Variants in NBAS observed in about 807,000 individuals in gnomAD.
The protein encoded by NBAS is NBAS subunit of NRZ tethering complex, also known as NAG/BC035112 fusion.
A neutral mutation model predicts 302.5 loss-of-function variants in NBAS; 219 were observed. That is an observed-to-expected ratio of 0.72 (90% confidence interval 0.65 to 0.81). The LOEUF (loss-of-function observed/expected upper bound fraction) is 0.81, where lower values mean the gene tolerates loss of function less well. Ranked by LOEUF, NBAS falls within the 30% of genes least tolerant of loss-of-function variation. The probability of loss-of-function intolerance (pLI) is 0.00; values close to 1 mark genes in which losing one functional copy is unlikely to be tolerated. For missense variants in NBAS, 2,932 were observed against 2,841.6 expected (o/e 1.03, Z -0.72); for synonymous variants, 1,118 against 1,021.6 (o/e 1.09, Z -1.80).
At chr2:15,533,903 A>G (rs1383804127) in intron 9 of NBAS, among the ~76,000 whole-genome samples, 5 of 152,222 alleles carry the variant, frequency 3.3e-5, no homozygotes, top group Non-Finnish European at 5.9e-5. Context: ...AACTCAAGTT[A>G]TGTTTGTCTT....
chr2:14,854,072 T>TAAA, the NBAS span, among the ~76,000 whole-genome samples: 1 of 146,560 alleles, frequency 6.8e-6, no homozygotes, highest in African/African-American at 2.5e-5. Context: ...TAAAGTATAA[T>TAAA]AAAAAATAAT....
At chr2:15,205,359 C>A (rs569161859) in intron 48 of NBAS, among the ~76,000 whole-genome samples, 153 of 151,940 alleles carry the variant, frequency 1.0e-3, no homozygotes, top group African/African-American at 3.5e-3. Context: ...AAGACAACAA[C>A]ACAAAAGAAA....
the NBAS span, among the ~76,000 whole-genome samples, chr2:14,975,461 GAGC>G: frequency 6.6e-6 from 1 of 152,160 alleles, no homozygotes; most frequent in Non-Finnish European, 1.5e-5. Flanking sequence ...GGTTCACTCA[GAGC>G]AAATGTAATT....
At chr2:15,531,870 T>A (rs1663231638) in intron 9 of NBAS, among the ~76,000 whole-genome samples, 2 of 152,174 alleles carry the variant, frequency 1.3e-5, no homozygotes, top group Admixed American at 6.5e-5. Flanking sequence ...TATTTCAAAC[T>A]AGAACTTGCC....
At chr2:15,524,195 G>A (rs945011767) in intron 9 of NBAS, among the ~76,000 whole-genome samples, 2 of 152,180 alleles carry the variant, frequency 1.3e-5, no homozygotes, top group Non-Finnish European at 2.9e-5. Flanking sequence ...AAATATCTGT[G>A]CATGTAAAAC....
chr2:15,048,539 C>G, the NBAS span, among the ~76,000 whole-genome samples: 1 of 152,218 alleles, frequency 6.6e-6, no homozygotes, highest in Non-Finnish European at 1.5e-5. Context: ...CGCTGAGAAC[C>G]ACCTGTGCCT....
intron 31 of NBAS, among the ~76,000 whole-genome samples, chr2:15,372,832 T>A (rs1320779531): frequency 6.6e-6 from 1 of 152,232 alleles, no homozygotes; most frequent in African/African-American, 2.4e-5. Flanking sequence ...AAAATCCTGC[T>A]AATTGATCAG....
At chr2:15,056,991 G>C in the NBAS span, among the ~76,000 whole-genome samples, 4 of 151,798 alleles carry the variant, frequency 2.6e-5, no homozygotes, top group Admixed American at 2.6e-4. Flanking sequence ...ACCACGCCCG[G>C]CTAATTTTTT....
the NBAS span, among the ~76,000 whole-genome samples, chr2:14,933,036 A>G: frequency 6.6e-6 from 1 of 152,238 alleles, no homozygotes. Context: ...CTGGCTTATC[A>G]TATACAATAG....
intron 47 of NBAS, among the ~76,000 whole-genome samples, chr2:15,223,000 G>C (rs1667013836): frequency 6.6e-6 from 1 of 152,144 alleles, no homozygotes; most frequent in Admixed American, 6.5e-5. Flanking sequence ...ATTATGAGAA[G>C]TCCTTCCTAA....
intron 48 of NBAS, among the ~76,000 whole-genome samples, chr2:15,195,484 G>A (rs1340338308): frequency 2.6e-5 from 4 of 152,148 alleles, no homozygotes; most frequent in African/African-American, 4.8e-5. Flanking sequence ...GATTATAAAA[G>A]GGATCCTTGT....
the NBAS span, among the ~76,000 whole-genome samples, chr2:15,102,977 GAGGAAGGAAGGAAGGAAGGAAGGA>G: frequency 2.4e-4 from 23 of 95,462 alleles, no homozygotes; most frequent in Admixed American, 5.8e-4. Context: ...AGGCATTAAG[GAGGAAGGAAGGAAGGAAGGAAGGA>G]AGGAAGGAAG....
chr2:15,351,972 G>C lies in NBAS; in HGVS notation c.4179+20C>G. 1 of 1,566,938 alleles carries C rather than the reference G, an allele frequency of 6.4e-7. No individual in the cohort carries two copies. The highest frequency in any genetic ancestry group is 8.8e-7 in the Non-Finnish European group (1 of 1,137,942). ...CACTCTCAGCCACCTTTCAAACTCC[G>C]CTCCCTCATTTTAACTTACCTCTTG... is the stretch of plus-strand genomic sequence containing the variant. On this transcript the variant is annotated intron_variant, in intron 35 of 51. Coordinates refer to ENST00000281513, the MANE Select transcript of NBAS (RefSeq NM_015909.4).
intron 12 of NBAS, among the ~76,000 whole-genome samples, chr2:15,484,910 T>C (rs1680562005): frequency 6.6e-6 from 1 of 152,160 alleles, no homozygotes; most frequent in African/African-American, 2.4e-5. Flanking sequence ...ATAGGCTTTA[T>C]TATACTTACT....
intron 13 of NBAS, among the ~76,000 whole-genome samples, chr2:15,476,332 T>TA (rs563751397): frequency 3.0e-3 from 449 of 152,122 alleles, no homozygotes; most frequent in Admixed American, 5.7e-3. Flanking sequence ...ATAAGACAGA[T>TA]ATGTAATAGT....
chr2:15,239,415 A>ATG (rs1222171537), intron 44 of NBAS, among the ~76,000 whole-genome samples: 1 of 150,324 alleles, frequency 6.7e-6, no homozygotes, highest in East Asian at 1.9e-4. Flanking sequence ...ATATATATAT[A>ATG]TATATGTTGA....
chr2:15,138,268 A>G, the NBAS span, among the ~76,000 whole-genome samples: 2 of 152,102 alleles, frequency 1.3e-5, no homozygotes, highest in Non-Finnish European at 2.9e-5. Flanking sequence ...AAACTGCTAG[A>G]ATTGGAGAGA....
At position 15,179,572 on chromosome 2, in the gene NBAS, T is replaced by C. The variant is rs118006767; in HGVS notation, c.6712-456A>G. On this transcript the variant is annotated intron_variant, in intron 50 of 51. Coordinates refer to ENST00000281513, the MANE Select transcript of NBAS (RefSeq NM_015909.4). ...GTGGAGGCTGAATTATAATAAAAAG[T>C]ATTATCAATTGCTAATATTGTTAAC... 28 of 160,048 alleles carry C rather than the reference T, an allele frequency of 1.7e-4. No homozygotes were observed. In the East Asian group the frequency reaches 4.7e-3, roughly 27 times the overall value. 9.9% of individuals were successfully genotyped at this position (160,048 alleles called of 1,614,324 possible).
chr2:14,957,278 CGTGTGTGTGT>C, the NBAS span, among the ~76,000 whole-genome samples: 1 of 147,484 alleles, frequency 6.8e-6, no homozygotes, highest in Admixed American at 6.8e-5. Flanking sequence ...TATACATATA[CGTGTGTGTGT>C]GTGTGTGTGT....
Sources: gnomAD v4.1 joint callset for allele counts (sites outside exome capture counted in the v4.1 genomes callset) on GRCh38, gnomAD v4.1.1 for gene constraint, MANE v1.5 for transcripts, NCBI Gene and HGNC (gene_info 2026-07-23, HGNC 2026-07-21) for gene names.